MVP: variants seen among roughly 807,000 people sequenced by gnomAD.
The protein encoded by MVP is lung resistance-related protein.
Under a neutral mutation model 83.5 loss-of-function variants are expected in MVP, and 62 were observed. The observed-to-expected ratio is 0.74, with a 90% CI of 0.61 to 0.92. The LOEUF (loss-of-function observed/expected upper bound fraction) is 0.92, where lower values mean the gene tolerates loss of function less well. Ranked by LOEUF, MVP falls within the 40% of genes least tolerant of loss-of-function variation. MVP has a pLI of 0.00. For missense variants in MVP, 1,000 were observed against 1,203.4 expected (o/e 0.83, Z 2.50); for synonymous variants, 505 against 504.1 (o/e 1.00, Z -0.02).
intron 14 of MVP, 128 bp downstream of exon 14, chr16:29,847,513 G>T: frequency 2.1e-6 from 2 of 962,470 alleles, no homozygotes; most frequent in Non-Finnish European, 3.1e-6. Context: ...GACCCACGAT[G>T]CAGGGACATT....
chr16:29,844,691 G>T lies in MVP; in HGVS notation c.1833G>T (p.Ala611=). The change falls in exon 11 of 15, where the codon GCG becomes GCT. Residue 611 remains alanine, a synonymous_variant. Coordinates refer to ENST00000357402, the MANE Select transcript of MVP (RefSeq NM_005115.5). ...TAVFGFETSE[A]KGPDGMALPR... is the part of the protein sequence containing the mutation. ...TCTTTGGCTTTGAGACCTCGGAAGC[G>T]AAGGGCCCCGATGGCATGGCCCTGC... The T allele has an allele frequency of 2.5e-6, 4 of 1,614,004 alleles. No homozygotes were observed. Among genetic ancestry groups the T allele is most frequent in the Non-Finnish European group, 3.4e-6 (4 of 1,179,996 alleles).
intron 11 of MVP, among the ~76,000 whole-genome samples, chr16:29,845,199 GA>G (rs71373207): frequency 2.7e-3 from 275 of 100,890 alleles, no homozygotes; most frequent in Middle Eastern, 0.015. Flanking sequence ...TGTCTCAAAA[GA>G]AAAAAAAAAA....
chr16:29,836,621 T>C (rs111337548), intron 6 of MVP, 101 bp from the exon 7 acceptor site: 18 of 887,574 alleles, frequency 2.0e-5, no homozygotes, highest in African/African-American at 1.9e-4. Flanking sequence ...AAATTGTCTC[T>C]GAGATCTGGG....
chr16:29,831,755 A>G (rs1281912719), intron 3 of MVP: 3 of 455,664 alleles, frequency 6.6e-6, no homozygotes, highest in Non-Finnish European at 1.3e-5. Flanking sequence ...CCAAAGCAGC[A>G]GTGACAAGCC....
At chr16:29,824,192 C>T (rs1294492871) in intron 1 of MVP, among the ~76,000 whole-genome samples, 1 of 92,036 alleles carries the variant, frequency 1.1e-5, no homozygotes, top group East Asian at 3.7e-4. Context: ...GTCTGGGCAA[C>T]AAGCACGAAA....
chr16:29,827,940 C>T (rs2067415432), intron 1 of MVP, among the ~76,000 whole-genome samples: 1 of 152,098 alleles, frequency 6.6e-6, no homozygotes, highest in Admixed American at 6.6e-5. Flanking sequence ...AATTTAGTTC[C>T]TCAGATGCAT....
chr16:29,840,259 G>A lies in MVP; in HGVS notation c.991G>A (p.Gly331Arg), dbSNP rs780684041. Residue 331 changes from glycine to arginine, a missense_variant, in exon 8 of 15, where the codon GGG (glycine) becomes AGG (arginine). Physicochemically the swap from Gly to Arg is moderately radical, Grantham distance 125 (BLOSUM62 -2). Coordinates refer to ENST00000357402, the MANE Select transcript of MVP (RefSeq NM_005115.5). The stretch of plus-strand genomic sequence containing the variant: ...TGTGTATGTGCTGTCGGAGCAGCAG[G>A]GGCTGCTGCTGAGGGCCCTGCAGCC... Reference protein sequence around the residue: ...QDVYVLSEQQGLLLRALQPLE... With the variant: ...QDVYVLSEQQRLLLRALQPLE... The A allele has an allele frequency of 6.2e-7, 1 of 1,613,896 alleles. No individual in the cohort carries two copies. Among genetic ancestry groups the A allele is most frequent in the Non-Finnish European group, 8.5e-7 (1 of 1,179,914 alleles).
rs551530180 is a variant in MVP at position 29,841,250 on chromosome 16, C to T, written c.1192-346C>T. Among the ~76,000 whole-genome samples the T allele has an allele frequency of 3.1e-3, 468 of 152,298 alleles. 1 individual carries two copies. The highest frequency in any genetic ancestry group is 5.2e-3 in the Non-Finnish European group (352 of 68,024). On this transcript the variant is annotated intron_variant, in intron 8 of 14. Coordinates refer to ENST00000357402, the MANE Select transcript of MVP (RefSeq NM_005115.5). The surrounding 1 kb of genome is among the most constrained non-coding windows in gnomAD (Gnocchi z 4.7). ...CACCATCCCCGAGGTGCCCTCCAAA[C>T]TGCCCCATGAAGGAAGATTCTAGAA...
chr16:29,833,616 C>G (rs1465377882), intron 3 of MVP, 117 bp from the exon 4 acceptor site: 1 of 1,418,358 alleles, frequency 7.1e-7, no homozygotes, highest in South Asian at 1.3e-5. Context: ...GGCCTCCACC[C>G]CAGTCTTATT....
rs1439387109 is a variant in MVP at position 29,845,918 on chromosome 16, A to G, written c.2077A>G (p.Ile693Val). 2.5e-6 allele frequency: 4 copies of G among 1,614,078 alleles called. No individual in the cohort carries two copies. The highest frequency in any genetic ancestry group is 3.4e-6 in the Non-Finnish European group (4 of 1,180,038). ...EARGRLERQK[I>V]LDQSEAEKAR... Reference sequence around the variant, plus strand: ...CCGCGGCCGGCTTGAGCGGCAGAAGATCCTGGACCAGTCAGAAGCCGAGAA... The same window carrying G: ...CCGCGGCCGGCTTGAGCGGCAGAAGGTCCTGGACCAGTCAGAAGCCGAGAA... The change falls in exon 12 of 15, where the codon ATC becomes GTC. Residue 693 changes from isoleucine to valine, a missense_variant. Physicochemically the swap from Ile to Val is conservative, Grantham distance 29 (BLOSUM62 3). Coordinates refer to ENST00000357402, the MANE Select transcript of MVP (RefSeq NM_005115.5).
chr16:29,830,768 C>G (rs1185162991), intron 2 of MVP, 94 bp downstream of exon 2: 3 of 1,575,694 alleles, frequency 1.9e-6, no homozygotes. Flanking sequence ...TCTTCCCAAG[C>G]AGGAGTGGCC....
intron 1 of MVP, among the ~76,000 whole-genome samples, chr16:29,824,913 TTC>T (rs2067394766): frequency 6.6e-6 from 1 of 151,922 alleles, no homozygotes; most frequent in African/African-American, 2.4e-5. Flanking sequence ...TTTTTTTTTT[TTC>T]TTTCTTTAAA....
chr16:29,843,018 C>T (rs533277339), intron 10 of MVP, among the ~76,000 whole-genome samples: 52 of 152,360 alleles, frequency 3.4e-4, no homozygotes, highest in Admixed American at 5.2e-4. Context: ...TGTTTGCAGC[C>T]TGTGGACCTG....
intron 2 of MVP, 30 bp downstream of exon 2, chr16:29,830,704 C>G (rs752898251): frequency 2.8e-5 from 45 of 1,610,424 alleles, no homozygotes; most frequent in Non-Finnish European, 3.4e-5. Flanking sequence ...TGTGGGGGAT[C>G]CTTGGGGATG....
Position 29,840,360 on chromosome 16 carries a change from G to A in MVP, c.1092G>A (p.Glu364=), listed in dbSNP as rs778624244. The A allele has an allele frequency of 1.9e-6, 3 of 1,606,190 alleles. No homozygotes were observed. The highest frequency in any genetic ancestry group is 1.7e-6 in the Non-Finnish European group (2 of 1,176,878). Residue 364 remains glutamate, a synonymous_variant, in exon 8 of 15, where the codon GAG becomes GAA. Transcript: ENST00000357402. ...ACTGGCTCATCCGCGGACCCCTGGA[G>A]TATGTGCCATCTGCCAAAGTGGAGG... ...GDHWLIRGPL[E]YVPSAKVEVV... is the part of the protein sequence containing the mutation.
chr16:29,847,496 G>C, intron 14 of MVP, 111 bp downstream of exon 14: 1 of 1,131,434 alleles, frequency 8.8e-7, no homozygotes, highest in South Asian at 1.6e-5. Flanking sequence ...GGAGGGGTGA[G>C]TGACCTGACC....
chr16:29,827,019 C>T (rs116039390), intron 1 of MVP, among the ~76,000 whole-genome samples: 225 of 151,518 alleles, frequency 1.5e-3, no homozygotes, highest in African/African-American at 5.1e-3. Flanking sequence ...TATTGTGGAG[C>T]AACTGGGGGG....
At position 29,846,227 on chromosome 16, in the gene MVP, G is replaced by A. The variant is rs2067584436; in HGVS notation, c.2208G>A (p.Glu736=). 1 of 1,590,016 alleles carries A rather than the reference G, an allele frequency of 6.3e-7. No homozygotes were observed. The highest frequency in any genetic ancestry group is 2.3e-5 in the East Asian group (1 of 43,780). The part of the protein sequence containing the change: ...AESRAEAARI[E]GEGSVLQAKL... The stretch of plus-strand genomic sequence containing the variant: ...CCCGTGCGGAGGCAGCCCGGATTGA[G>A]GGAGAAGGGTCCGTGCTGCAGGCCA... Residue 736 remains glutamate, a synonymous_variant, in exon 13 of 15, where the codon GAG becomes GAA. Transcript: ENST00000357402.
chr16:29,839,197 A>G (rs568869854), intron 7 of MVP, among the ~76,000 whole-genome samples: 1 of 152,316 alleles, frequency 6.6e-6, no homozygotes, highest in African/African-American at 2.4e-5. Context: ...TCAAAAAAAG[A>G]AAAAGAAAAA....
Sources: gnomAD v4.1 joint callset for allele counts (sites outside exome capture counted in the v4.1 genomes callset) on GRCh38, gnomAD v4.1.1 for gene constraint, Gnocchi (gnomAD v3.1) non-coding constraint, MANE v1.5 for transcripts, NCBI Gene and HGNC (gene_info 2026-07-23, HGNC 2026-07-21) for gene names.